Variants in BTF3L4 observed in about 807,000 individuals in gnomAD.
BTF3L4 encodes the protein transcription factor BTF3 homolog 4.
A neutral mutation model predicts 16.8 loss-of-function variants in BTF3L4; 6 were observed. That is an observed-to-expected ratio of 0.36 (90% CI 0.20 to 0.71). BTF3L4 has a LOEUF of 0.71. Among genes scored for constraint, BTF3L4 ranks in the 30% least tolerant of loss-of-function variants. The pLI, the probability that BTF3L4 is intolerant of heterozygous loss-of-function variation, is 0.58. For missense variants in BTF3L4, 92 were observed against 186.9 expected, an observed-to-expected ratio of 0.49 and a Z score of 2.96; for synonymous variants, 39 against 59.8, an observed-to-expected ratio of 0.65 and a Z score of 1.60.
rs1298064218 is a variant in BTF3L4, at chr1:52,090,528, C to A, written c.*3770C>A. On this transcript the variant is annotated 3_prime_UTR_variant, in exon 6 of 6. Coordinates refer to ENST00000313334, the MANE Select transcript of BTF3L4 (RefSeq NM_152265.5). ...CAGCCCATTACACAGGAGCCAGCTA[C>A]CTAAATTTCCTATCTGAGCATGTCC... The A allele has an allele frequency of 6.6e-6, 1 of 152,154 alleles. No homozygotes were observed. Among genetic ancestry groups the A allele is most frequent in the Non-Finnish European group, 1.5e-5 (1 of 68,046 alleles). The allele number at this position is 152,154 out of a possible 1,614,324, so 9.4% of individuals were successfully genotyped here. A position where few individuals can be genotyped will look rare whatever the true frequency, so the allele number is the denominator to read the frequency against.
intron 3 of BTF3L4, among the ~76,000 whole-genome samples, chr1:52,069,689 A>C (rs1243049806): frequency 6.6e-6 from 1 of 152,194 alleles, no homozygotes; most frequent in Non-Finnish European, 1.5e-5. Flanking sequence ...CTGTGCTTAG[A>C]CCTTCAAAAC....
In BTF3L4 at chr1:52,061,507, GAAAT is replaced by G. The variant is rs982473363; in HGVS notation, c.54+1608_54+1611del. On this transcript the variant is annotated intron_variant, in intron 2 of 5. Transcript: ENST00000313334. Reference sequence around the variant, plus strand: ...CGTCTCAAAAAAAAAAAAAAAAAAAGAAATAGGTAAGAGGGTTCATGAGATAGAG... The same window carrying G: ...CGTCTCAAAAAAAAAAAAAAAAAAAGAGGTAAGAGGGTTCATGAGATAGAG... 2.9e-4 allele frequency among the ~76,000 whole-genome samples: 41 copies of G among 142,278 alleles called. No individual in the cohort carries two copies. The East Asian group carries it at 6.8e-3, about 23-fold the overall frequency. The allele number at this position is 142,278 out of a possible 152,430, so 93.3% of individuals were successfully genotyped here.
chr1:52,072,321 G>A (rs1200823286), intron 3 of BTF3L4, among the ~76,000 whole-genome samples: 1 of 152,000 alleles, frequency 6.6e-6, no homozygotes, highest in Admixed American at 6.6e-5. Context: ...CCCAAGTGCT[G>A]GATTACAGGC....
intron 3 of BTF3L4, among the ~76,000 whole-genome samples, chr1:52,079,872 C>CTT (rs71579905): frequency 3.8e-4 from 2 of 5,250 alleles, no homozygotes; most frequent in Admixed American, 1.9e-3. Flanking sequence ...CTTTTCTTTT[C>CTT]TTTTTTTTTT....
intron 3 of BTF3L4, among the ~76,000 whole-genome samples, chr1:52,081,012 G>A (rs1043776578): frequency 2.0e-5 from 3 of 151,240 alleles, no homozygotes; most frequent in Admixed American, 6.6e-5. Context: ...GCTAATTTTT[G>A]TATTTTTAGT....
intron 4 of BTF3L4, among the ~76,000 whole-genome samples, chr1:52,084,794 TAA>T (rs775717822): frequency 1.2e-4 from 17 of 139,484 alleles, no homozygotes; most frequent in Non-Finnish European, 9.4e-5. Context: ...ACCCTGTCTC[TAA>T]AAAAAAAAAA....
chr1:52,060,369 C>A, intron 2 of BTF3L4: 1 of 859,996 alleles, frequency 1.2e-6, no homozygotes, highest in Non-Finnish European at 1.6e-6. Flanking sequence ...ATGTTACCTA[C>A]TTGTACAGAG....
chr1:52,080,444 A>AT, intron 3 of BTF3L4, among the ~76,000 whole-genome samples: 1 of 151,668 alleles, frequency 6.6e-6, no homozygotes, highest in Middle Eastern at 3.5e-3. Flanking sequence ...ATGTCTGTAA[A>AT]TAAAAAAAAA....
At chr1:52,080,169 T>C (rs974373003) in intron 3 of BTF3L4, among the ~76,000 whole-genome samples, 1 of 152,000 alleles carries the variant, frequency 6.6e-6, no homozygotes, top group African/African-American at 2.4e-5. Flanking sequence ...CCCAGCTGAA[T>C]TGAATTTTTG....
At chr1:52,066,670 C>T (rs1342915093) in intron 3 of BTF3L4, among the ~76,000 whole-genome samples, 8 of 150,196 alleles carry the variant, frequency 5.3e-5, no homozygotes, top group African/African-American at 1.7e-4. Context: ...GGTGAAACCC[C>T]GTCTCTACTA....
intron 1 of BTF3L4, among the ~76,000 whole-genome samples, chr1:52,058,284 G>A (rs936842086): frequency 1.3e-5 from 2 of 152,200 alleles, no homozygotes; most frequent in Admixed American, 6.5e-5. Context: ...ATACAGCGCT[G>A]AGCAGAGTGA....
At chr1:52,061,800 C>T (rs1222476995) in intron 2 of BTF3L4, among the ~76,000 whole-genome samples, 2 of 151,436 alleles carry the variant, frequency 1.3e-5, no homozygotes, top group Non-Finnish European at 2.9e-5. Flanking sequence ...GCCACCATGC[C>T]CAGCTGAATT....
intron 2 of BTF3L4, among the ~76,000 whole-genome samples, chr1:52,062,193 C>T (rs1195712017): frequency 3.0e-5 from 4 of 135,414 alleles, no homozygotes; most frequent in Admixed American, 8.4e-5. Context: ...TCGCCCGCCT[C>T]GGCCTTTTTT....
chr1:52,061,262 G>A (rs2124413726), intron 2 of BTF3L4, among the ~76,000 whole-genome samples: 1 of 152,238 alleles, frequency 6.6e-6, no homozygotes, highest in East Asian at 1.9e-4. Context: ...GCTGAGGTGG[G>A]TGGATCAGTT....
At chr1:52,086,677 T>G (rs746254999) in intron 5 of BTF3L4, 35 bp from the exon 6 acceptor site, 2 of 1,387,774 alleles carry the variant, frequency 1.4e-6, no homozygotes, top group African/African-American at 2.9e-5. Flanking sequence ...CTTTTTTGTA[T>G]TCTTTGATTC....
intron 3 of BTF3L4, among the ~76,000 whole-genome samples, chr1:52,072,972 C>T (rs1398928995): frequency 6.6e-6 from 1 of 151,880 alleles, no homozygotes; most frequent in Non-Finnish European, 1.5e-5. Flanking sequence ...GCAGAAGAAT[C>T]GTTTGAACCT....
At chr1:52,064,010 A>G (rs1276936980) in intron 2 of BTF3L4, among the ~76,000 whole-genome samples, 1 of 152,246 alleles carries the variant, frequency 6.6e-6, no homozygotes, top group African/African-American at 2.4e-5. Flanking sequence ...ATTGCAATCA[A>G]TAAAATCTAG....
chr1:52,064,735 G>A (rs1196460878), intron 2 of BTF3L4, 90 bp from the exon 3 acceptor site: 8 of 672,110 alleles, frequency 1.2e-5, no homozygotes, highest in Non-Finnish European at 2.0e-5. Flanking sequence ...TTTAATGTGG[G>A]TTTTAGATTA....
rs1052544480 is a variant in BTF3L4 at position 52,078,773 on chromosome 1, G to A, written c.169-4567G>A. ...AAAAATGAGAGCAAGGGCATTCTGT[G>A]GTTTGGACTGGGGTCTCAAAATGCC... is the stretch of plus-strand genomic sequence containing the variant. On this transcript the variant is annotated intron_variant, in intron 3 of 5. Transcript: ENST00000313334. 5.9e-5 allele frequency among the ~76,000 whole-genome samples: 9 copies of A among 152,116 alleles called. No homozygotes were observed. In the East Asian group the frequency reaches 1.7e-3, roughly 29 times the overall value.
Sources: gnomAD v4.1 joint callset for allele counts (sites outside exome capture counted in the v4.1 genomes callset) on GRCh38, gnomAD v4.1.1 for gene constraint, MANE v1.5 for transcripts, NCBI Gene and HGNC (gene_info 2026-07-23, HGNC 2026-07-21) for gene names.